PPARGC1A: variants seen among roughly 807,000 people sequenced by gnomAD.
The protein encoded by PPARGC1A is PPARG coactivator 1 alpha.
A neutral mutation model predicts 88.7 loss-of-function variants in PPARGC1A; 25 were observed. The observed-to-expected ratio is 0.28, with a 90% CI of 0.21 to 0.39. The LOEUF is 0.39. PPARGC1A is among the 10% of genes least tolerant of loss of function. PPARGC1A has a pLI of 1.00. For synonymous variants in PPARGC1A, 363 were observed against 355.6 expected (o/e 1.02, Z -0.24); for missense variants, 880 against 968.7 (o/e 0.91, Z 1.22).
At chr4:24,364,511 C>T in the PPARGC1A span, among the ~76,000 whole-genome samples, 10 of 152,036 alleles carry the variant, frequency 6.6e-5, no homozygotes, top group African/African-American at 2.4e-4. Flanking sequence ...CCTCTCATGA[C>T]ATCATGTTCT....
the PPARGC1A span, among the ~76,000 whole-genome samples, chr4:24,197,441 C>G: frequency 6.6e-6 from 1 of 152,228 alleles, no homozygotes; most frequent in Admixed American, 6.5e-5. Context: ...AAAAGGGCCT[C>G]TCTCTCTTTT....
the PPARGC1A span, among the ~76,000 whole-genome samples, chr4:24,126,995 C>T: frequency 1.6e-4 from 25 of 152,096 alleles, no homozygotes; most frequent in Non-Finnish European, 2.9e-5. Context: ...ATTTCCTATC[C>T]CCGAGCCAAG....
chr4:24,316,785 G>A, the PPARGC1A span, among the ~76,000 whole-genome samples: 1 of 152,168 alleles, frequency 6.6e-6, no homozygotes, highest in Non-Finnish European at 1.5e-5. Context: ...CTGGCACATT[G>A]TAAGAACTAT....
chr4:24,380,802 A>G, the PPARGC1A span, among the ~76,000 whole-genome samples: 1 of 151,986 alleles, frequency 6.6e-6, no homozygotes, highest in Non-Finnish European at 1.5e-5. Flanking sequence ...TGGGTAATTG[A>G]CTGGACAGTG....
the PPARGC1A span, among the ~76,000 whole-genome samples, chr4:24,423,262 T>C: frequency 3.3e-5 from 5 of 152,280 alleles, no homozygotes; most frequent in African/African-American, 1.2e-4. Context: ...TGGTGACAAA[T>C]CAGTGACCCG....
At chr4:24,027,922 C>A in the PPARGC1A span, among the ~76,000 whole-genome samples, 1 of 152,136 alleles carries the variant, frequency 6.6e-6, no homozygotes, top group African/African-American at 2.4e-5. Context: ...CCTCCAGATA[C>A]TATACTAAGT....
chr4:23,946,210 T>TTA, the PPARGC1A span, among the ~76,000 whole-genome samples: 1 of 152,238 alleles, frequency 6.6e-6, no homozygotes, highest in East Asian at 1.9e-4. Flanking sequence ...CCAACAGAAA[T>TTA]TATAGACTTT....
At chr4:23,815,106 G>C (rs1721708789) in intron 7 of PPARGC1A, among the ~76,000 whole-genome samples, 1 of 145,346 alleles carries the variant, frequency 6.9e-6, no homozygotes, top group South Asian at 2.2e-4. Flanking sequence ...TTGGAGCCAA[G>C]GAATTAAGCA....
In PPARGC1A at chr4:23,795,320, TATATATA is replaced by T. The variant is rs1560303881; in HGVS notation, c.*495_*501del. 2.1e-4 allele frequency: 18 copies of T among 86,532 alleles called. No individual in the cohort carries two copies. The highest frequency in any genetic ancestry group is 6.6e-4 in the Admixed American group (6 of 9,082). The allele number at this position is 86,532 out of a possible 1,614,324, so 5.4% of individuals were successfully genotyped here. On this transcript the variant is annotated 3_prime_UTR_variant, in exon 13 of 13. Coordinates refer to ENST00000264867, the MANE Select transcript of PPARGC1A (RefSeq NM_013261.5). ...ATATATATATATATATATATATATA[TATATATA>T]TATTTCCTTTTGAATAGAATACGAA...
the PPARGC1A span, among the ~76,000 whole-genome samples, chr4:24,293,893 G>A: frequency 1.3e-5 from 2 of 152,040 alleles, no homozygotes; most frequent in Non-Finnish European, 1.5e-5. Context: ...TCCCTACTGT[G>A]TTTTCCTAGA....
intron 12 of PPARGC1A, among the ~76,000 whole-genome samples, chr4:23,800,835 T>G (rs1340435220): frequency 1.3e-5 from 2 of 151,832 alleles, no homozygotes; most frequent in Admixed American, 1.3e-4. Flanking sequence ...TTTCCTTATC[T>G]GTAAAATGGG....
intron 2 of PPARGC1A, among the ~76,000 whole-genome samples, chr4:23,878,778 T>C (rs1377401217): frequency 6.6e-6 from 1 of 152,222 alleles, no homozygotes; most frequent in Non-Finnish European, 1.5e-5. Context: ...TCCTGATTTA[T>C]GACTCTCCAA....
the PPARGC1A span, among the ~76,000 whole-genome samples, chr4:24,217,449 C>T: frequency 6.6e-6 from 1 of 152,202 alleles, no homozygotes; most frequent in East Asian, 1.9e-4. Context: ...GATGGAAGAG[C>T]ATGAAGGTTT....
At chr4:24,304,547 A>G in the PPARGC1A span, among the ~76,000 whole-genome samples, 4 of 152,162 alleles carry the variant, frequency 2.6e-5, no homozygotes, top group Non-Finnish European at 5.9e-5. Flanking sequence ...TGCATGGCTG[A>G]GCTGGGATTC....
the PPARGC1A span, among the ~76,000 whole-genome samples, chr4:23,999,172 A>G: frequency 6.6e-6 from 1 of 152,268 alleles, no homozygotes; most frequent in Admixed American, 6.5e-5. Context: ...GAGTGCCTTT[A>G]TAAGCCACGG....
the PPARGC1A span, among the ~76,000 whole-genome samples, chr4:24,140,978 C>T: frequency 1.3e-5 from 2 of 152,186 alleles, no homozygotes; most frequent in East Asian, 1.9e-4. Flanking sequence ...TTCTCTAAAC[C>T]GTCTCAAATA....
chr4:23,950,148 T>A, the PPARGC1A span, among the ~76,000 whole-genome samples: 1 of 152,114 alleles, frequency 6.6e-6, no homozygotes, highest in Admixed American at 6.6e-5. Flanking sequence ...AGATTTCAAA[T>A]CCACTCTCTA....
At chr4:24,201,488 G>A in the PPARGC1A span, among the ~76,000 whole-genome samples, 1 of 152,202 alleles carries the variant, frequency 6.6e-6, no homozygotes, top group East Asian at 1.9e-4. Flanking sequence ...CCAGGCCCAG[G>A]CCTGAGAAGA....
At chr4:23,944,919 A>C in the PPARGC1A span, among the ~76,000 whole-genome samples, 1 of 152,180 alleles carries the variant, frequency 6.6e-6, no homozygotes, top group African/African-American at 2.4e-5. Context: ...TGTCTTTATT[A>C]GCAGTGTGAG....
Sources: allele counts gnomAD v4.1 joint callset (sites outside exome capture counted in the v4.1 genomes callset), GRCh38; gene constraint gnomAD v4.1.1; transcripts MANE v1.5; gene names NCBI Gene and HGNC (gene_info 2026-07-23, HGNC 2026-07-21).